The following FBXO38 variants were observed in gnomAD, a reference collection of about 807,000 sequenced individuals.
FBXO38 encodes F-box only protein 38.
A neutral mutation model predicts 131.9 loss-of-function variants in FBXO38; 53 were observed. That is an observed-to-expected ratio of 0.40 (90% CI 0.32 to 0.51). FBXO38 has a LOEUF of 0.51. Among genes scored for constraint, FBXO38 ranks in the 20% least tolerant of loss-of-function variants. FBXO38 has a pLI of 0.53. For missense variants in FBXO38, 1,076 were observed against 1,475.6 expected (o/e 0.73, Z 4.44); for synonymous variants, 452 against 505.6 (o/e 0.89, Z 1.42).
chr5:148,384,361 C>T (rs181803430), intron 1 of FBXO38, among the ~76,000 whole-genome samples: 9 of 152,272 alleles, frequency 5.9e-5, no homozygotes, highest in Admixed American at 5.9e-4. Context: ...GTGACTGTCT[C>T]CCACCCCGGG....
rs190222257 is a variant in FBXO38, at chr5:148,395,993, A to G, written c.128+1089A>G. On this transcript the variant is annotated intron_variant, in intron 2 of 21. Coordinates refer to ENST00000340253, the MANE Select transcript of FBXO38 (RefSeq NM_205836.3). ...CTTAGGAATGTTTTGAATTTCTACAAATGAATATTTGCAGATTATGAAGTT... is the reference window on the plus strand; with the variant it reads ...CTTAGGAATGTTTTGAATTTCTACAGATGAATATTTGCAGATTATGAAGTT... Among the ~76,000 whole-genome samples, 101 of 152,296 alleles carry G rather than the reference A, an allele frequency of 6.6e-4. 1 individual carries two copies. Among genetic ancestry groups the G allele is most frequent in the Admixed American group, 2.6e-3 (40 of 15,298 alleles).
intron 1 of FBXO38, among the ~76,000 whole-genome samples, chr5:148,394,400 T>C (rs1265115724): frequency 6.6e-6 from 1 of 152,160 alleles, no homozygotes; most frequent in Non-Finnish European, 1.5e-5. Context: ...AAGAAATTGA[T>C]ACTTGGAGAA....
chr5:148,427,400 C>T lies in FBXO38; in HGVS notation c.2106C>T (p.Pro702=). ...PEKKKNKDVY[P]SCSSTTASTV... ...AGAAAAAAAACAAGGATGTTTATCCCAGCTGCAGCAGCACCACCGCCAGCA... is the reference window on the plus strand; with the variant it reads ...AGAAAAAAAACAAGGATGTTTATCCTAGCTGCAGCAGCACCACCGCCAGCA... Residue 702 remains proline (P), a synonymous_variant, in exon 15 of 22, where the codon CCC becomes CCT. Coordinates refer to ENST00000340253, the MANE Select transcript of FBXO38 (RefSeq NM_205836.3). The T allele has an allele frequency of 6.2e-7, 1 of 1,614,136 alleles. No individual in the cohort carries two copies. The highest frequency in any genetic ancestry group is 8.5e-7 in the Non-Finnish European group (1 of 1,180,016).
At chr5:148,423,853 C>G in intron 12 of FBXO38, 145 bp from the exon 13 acceptor site, 1 of 594,594 alleles carries the variant, frequency 1.7e-6, no homozygotes, top group Non-Finnish European at 2.9e-6. Context: ...GTAACAAGCA[C>G]AGTGTATGCA....
At chr5:148,393,230 T>TGTGTGA (rs1758303714) in intron 1 of FBXO38, among the ~76,000 whole-genome samples, 1 of 149,422 alleles carries the variant, frequency 6.7e-6, no homozygotes, top group Non-Finnish European at 1.5e-5. Context: ...TGTGTGTGTG[T>TGTGTGA]GTGTGATGAG....
chr5:148,390,888 A>G (rs929770616), intron 1 of FBXO38, among the ~76,000 whole-genome samples: 4 of 152,160 alleles, frequency 2.6e-5, no homozygotes, highest in Non-Finnish European at 5.9e-5. Flanking sequence ...TTTGAGGAAG[A>G]AAAAGGAGGA....
At chr5:148,385,447 A>C (rs1757861078) in intron 1 of FBXO38, among the ~76,000 whole-genome samples, 1 of 152,204 alleles carries the variant, frequency 6.6e-6, no homozygotes, top group African/African-American at 2.4e-5. Flanking sequence ...TAGTGAAATA[A>C]AATTAAAAAG....
chr5:148,393,444 C>T (rs973432963), intron 1 of FBXO38, among the ~76,000 whole-genome samples: 4 of 152,076 alleles, frequency 2.6e-5, no homozygotes, highest in African/African-American at 7.2e-5. Flanking sequence ...TGCCTTTCTC[C>T]TAGTGAGTTC....
At chr5:148,388,318 C>G (rs1416925491) in intron 1 of FBXO38, among the ~76,000 whole-genome samples, 5 of 152,162 alleles carry the variant, frequency 3.3e-5, no homozygotes, top group Admixed American at 2.0e-4. Context: ...CTAGGATTTT[C>G]AGAATGGTTA....
At chr5:148,436,614 C>A (rs1484994507) in intron 17 of FBXO38, among the ~76,000 whole-genome samples, 4 of 152,118 alleles carry the variant, frequency 2.6e-5, no homozygotes, top group Non-Finnish European at 5.9e-5. Flanking sequence ...TTTTATATCT[C>A]CTACCATATT....
intron 17 of FBXO38, among the ~76,000 whole-genome samples, chr5:148,436,345 G>A (rs529744044): frequency 9.9e-5 from 15 of 152,120 alleles, no homozygotes; most frequent in Non-Finnish European, 1.6e-4. Flanking sequence ...GTTAGTGCAC[G>A]TTGAGCATCT....
rs752641253 is a variant in FBXO38 at position 148,391,301 on chromosome 5, T to C, written c.-63-3413T>C. On this transcript the variant is annotated intron_variant, in intron 1 of 21. Coordinates refer to ENST00000340253, the MANE Select transcript of FBXO38 (RefSeq NM_205836.3). ...TTCATACATTAGATATTTGAGGATA[T>C]ATTGTGAGCAAGGACTTGTTGTCAC... Among the ~76,000 whole-genome samples, 57 of 152,200 alleles carry C rather than the reference T, an allele frequency of 3.7e-4. 1 individual carries two copies. Among genetic ancestry groups the C allele is most frequent in the Non-Finnish European group, 1.2e-4 (8 of 68,028 alleles).
intron 17 of FBXO38, 83 bp downstream of exon 17, chr5:148,433,820 A>T (rs979511611): frequency 1.4e-6 from 1 of 695,478 alleles, no homozygotes. Context: ...TAATAGCATT[A>T]CTGTCTTATT....
chr5:148,418,264 G>A (rs1753180725), intron 12 of FBXO38, among the ~76,000 whole-genome samples: 1 of 152,088 alleles, frequency 6.6e-6, no homozygotes, highest in South Asian at 2.1e-4. Flanking sequence ...GATTTTGCTG[G>A]TTTTTCTCCT....
rs374242522 is a variant in FBXO38 at position 148,442,158 on chromosome 5, C to T, written c.*11C>T. ...GATGACTACATTTAATTGGTCCCTC[C>T]TCCTTTCCAGCTATTTTGTCAGAAA... On this transcript the variant is annotated 3_prime_UTR_variant, in exon 22 of 22. Transcript: ENST00000340253. 6 of 1,611,192 alleles carry T rather than the reference C, an allele frequency of 3.7e-6. No individual in the cohort carries two copies. The highest frequency in any genetic ancestry group is 1.1e-5 in the South Asian group (1 of 90,752).
chr5:148,384,819 C>T (rs1307235743), intron 1 of FBXO38: 1 of 152,182 alleles, frequency 6.6e-6, no homozygotes, highest in African/African-American at 2.4e-5. Flanking sequence ...GAAGCTCTGT[C>T]CAGAAAACTT....
At position 148,398,849 on chromosome 5, in the gene FBXO38, A is replaced by G. The variant is rs536547087; in HGVS notation, c.129-150A>G. 17 of 843,576 alleles carry G rather than the reference A, an allele frequency of 2.0e-5. 1 individual carries two copies. In the South Asian group the frequency reaches 2.9e-4, roughly 14 times the overall value. 52.3% of individuals were successfully genotyped at this position (843,576 alleles called of 1,614,324 possible). A position where few individuals can be genotyped will look rare whatever the true frequency, so the allele number is the denominator to read the frequency against. On this transcript the variant is annotated intron_variant, in intron 2 of 21. Transcript: ENST00000340253. ...ACTTACCTTTGTAGTAAAAAGCTGT[A>G]TGACCGTATGTGTGGTAGCTTTAAA...
chr5:148,402,256 GT>G, intron 4 of FBXO38, 91 bp from the exon 5 acceptor site: 4 of 1,540,652 alleles, frequency 2.6e-6, no homozygotes, highest in Non-Finnish European at 3.5e-6. Context: ...AAACTTTTAA[GT>G]TCCATTGTGT....
rs1757936672 is a variant in FBXO38, at chr5:148,386,783, G to T, written c.-64+2744G>T. Among the ~76,000 whole-genome samples the T allele has an allele frequency of 2.6e-5, 4 of 152,222 alleles. No homozygotes were observed. The South Asian group carries it at 8.3e-4, about 32-fold the overall frequency. The stretch of plus-strand genomic sequence containing the variant: ...GTTCCAGACTACTGCAATAAAGCAA[G>T]TCACAAAGTTTTTGGTTTCCCTGTG... On this transcript the variant is annotated intron_variant, in intron 1 of 21. Transcript: ENST00000340253.
Sources: allele counts gnomAD v4.1 joint callset (sites outside exome capture counted in the v4.1 genomes callset), GRCh38; gene constraint gnomAD v4.1.1; transcripts MANE v1.5; gene names NCBI Gene and HGNC (gene_info 2026-07-23, HGNC 2026-07-21).